Variants in NHLRC2 observed in about 807,000 individuals in gnomAD.
NHLRC2 encodes NHL repeat-containing protein 2.
In NHLRC2, 33 loss-of-function variants were observed where a neutral mutation model predicts 68.1. The ratio of observed to expected loss-of-function variants is 0.48; its 90% CI spans 0.37 to 0.65. The LOEUF is 0.65. Ranked by LOEUF, NHLRC2 falls within the 30% of genes least tolerant of loss-of-function variation. NHLRC2 has a pLI of 0.00. For synonymous variants in NHLRC2, 311 were observed against 309.6 expected, an observed-to-expected ratio of 1.00 and a Z score of -0.05; for missense variants, 761 against 853.8, an observed-to-expected ratio of 0.89 and a Z score of 1.35.
intron 2 of NHLRC2, among the ~76,000 whole-genome samples, chr10:113,869,941 A>C (rs914970364): frequency 6.6e-6 from 1 of 152,118 alleles, no homozygotes; most frequent in East Asian, 1.9e-4. Context: ...AAATACACCA[A>C]AATATTTCCA....
intron 2 of NHLRC2, among the ~76,000 whole-genome samples, chr10:113,863,201 A>G (rs1302647164): frequency 6.6e-6 from 1 of 152,222 alleles, no homozygotes; most frequent in Non-Finnish European, 1.5e-5. Context: ...GACATTTTCC[A>G]GGATAGACCA....
intron 4 of NHLRC2, among the ~76,000 whole-genome samples, chr10:113,883,236 A>G (rs1846051586): frequency 6.6e-6 from 1 of 151,880 alleles, no homozygotes; most frequent in South Asian, 2.1e-4. Flanking sequence ...ATTGTCTCCA[A>G]AAACAAATTC....
intron 5 of NHLRC2, among the ~76,000 whole-genome samples, chr10:113,894,626 A>T (rs1017936085): frequency 2.6e-5 from 4 of 152,078 alleles, no homozygotes; most frequent in Non-Finnish European, 5.9e-5. Context: ...AAGTGTTGAT[A>T]GTAGGTATCT....
chr10:113,876,789 CA>C lies in NHLRC2; in HGVS notation c.601del (p.Arg201GlyfsTer11), dbSNP rs1362888983. ...CAATTGCTTTAAAGTATTACAAAGA[CA>C]GGGGGCAGATCAGAGATAATAAAAT... ...TSIALKYYKDRGQIRDNKIGI... is the reference protein window; with the variant it reads ...TSIALKYYKDXGQIRDNKIGI... On this transcript the variant is annotated frameshift_variant, in exon 3 of 11. Transcript: ENST00000369301. LOFTEE classifies it high-confidence loss of function. 3.1e-6 allele frequency: 5 copies of C among 1,611,570 alleles called. No homozygotes were observed. The highest frequency in any genetic ancestry group is 1.3e-5 in the African/African-American group (1 of 74,812).
chr10:113,858,499 C>T, intron 1 of NHLRC2, 29 bp from the exon 2 acceptor site: 1 of 1,490,536 alleles, frequency 6.7e-7, no homozygotes, highest in Non-Finnish European at 9.2e-7. Flanking sequence ...TCTCTTTAAT[C>T]ATTGTAATTT....
chr10:113,871,878 T>C (rs1310102615), intron 2 of NHLRC2, among the ~76,000 whole-genome samples: 1 of 152,190 alleles, frequency 6.6e-6, no homozygotes, highest in Non-Finnish European at 1.5e-5. Context: ...TGACATTAGA[T>C]GGAAGTTCAG....
chr10:113,907,547 T>C (rs1433063278), intron 10 of NHLRC2, among the ~76,000 whole-genome samples: 1 of 152,206 alleles, frequency 6.6e-6, no homozygotes, highest in Admixed American at 6.5e-5. Context: ...TAAGAGAAAG[T>C]CGAGATGAAT....
At chr10:113,879,812 G>A in intron 4 of NHLRC2, 117 bp downstream of exon 4, 1 of 635,124 alleles carries the variant, frequency 1.6e-6, no homozygotes, top group Non-Finnish European at 2.5e-6. Context: ...TCCTTGTTCT[G>A]CTTTTCTTGA....
chr10:113,891,876 C>T (rs1015291479), intron 5 of NHLRC2, among the ~76,000 whole-genome samples: 1 of 152,216 alleles, frequency 6.6e-6, no homozygotes, highest in African/African-American at 2.4e-5. Context: ...TGCTGTTCCT[C>T]TCTCTGGCAG....
At chr10:113,896,229 C>T (rs373758195) in intron 5 of NHLRC2, among the ~76,000 whole-genome samples, 25 of 151,944 alleles carry the variant, frequency 1.6e-4, no homozygotes, top group African/African-American at 5.3e-4. Flanking sequence ...ATGTTTATTG[C>T]GGCATTATTC....
intron 4 of NHLRC2, among the ~76,000 whole-genome samples, chr10:113,881,906 A>G (rs1846038965): frequency 6.6e-6 from 1 of 151,748 alleles, no homozygotes; most frequent in Non-Finnish European, 1.5e-5. Context: ...TTCTGTCTCT[A>G]TAAATTTGCC....
In NHLRC2 at chr10:113,912,269, G is replaced by T. The variant is rs1437590944; in HGVS notation, c.*3733G>T. ...AATGAAACTGGTAATTATTAGCTTA[G>T]TTACTGTAATGATAATTTGGGACCA... On this transcript the variant is annotated 3_prime_UTR_variant, in exon 11 of 11. Transcript: ENST00000369301. The T allele has an allele frequency of 1.3e-5, 2 of 152,116 alleles. No homozygotes were observed. The highest frequency in any genetic ancestry group is 4.8e-5 in the African/African-American group (2 of 41,430). The allele number at this position is 152,116 out of a possible 1,614,324, so 9.4% of individuals were successfully genotyped here. A position where few individuals can be genotyped will look rare whatever the true frequency, so the allele number is the denominator to read the frequency against.
chr10:113,865,956 G>A lies in NHLRC2; in HGVS notation c.331+7276G>A, dbSNP rs546453252. Among the ~76,000 whole-genome samples the A allele has an allele frequency of 2.0e-5, 3 of 152,282 alleles. No individual in the cohort carries two copies. In the South Asian group the frequency reaches 6.2e-4, roughly 32 times the overall value. On this transcript the variant is annotated intron_variant, in intron 2 of 10. Transcript: ENST00000369301. ...TACTTCTGAATGTATCTGCAGCAGTGCTATTTATGTTCTCGAAGTGACATT... is the reference window on the plus strand; with the variant it reads ...TACTTCTGAATGTATCTGCAGCAGTACTATTTATGTTCTCGAAGTGACATT...
At chr10:113,892,098 T>C (rs1485629129) in intron 5 of NHLRC2, among the ~76,000 whole-genome samples, 1 of 152,212 alleles carries the variant, frequency 6.6e-6, no homozygotes, top group Non-Finnish European at 1.5e-5. Flanking sequence ...TTTAGAGACT[T>C]TGTAGAAACA....
chr10:113,916,814 T>C lies in NHLRC2; in HGVS notation c.*8278T>C, dbSNP rs1846390922. 1 of 152,208 alleles carries C rather than the reference T, an allele frequency of 6.6e-6. No homozygotes were observed. Among genetic ancestry groups the C allele is most frequent in the African/African-American group, 2.4e-5 (1 of 41,450 alleles). 9.4% of individuals were successfully genotyped at this position (152,208 alleles called of 1,614,324 possible). A position where few individuals can be genotyped will look rare whatever the true frequency, so the allele number is the denominator to read the frequency against. On this transcript the variant is annotated 3_prime_UTR_variant, in exon 11 of 11. Transcript: ENST00000369301. Reference sequence around the variant, plus strand: ...CCAAAGGCTTGATTATATTTTTTTCTCCAGTGATTAAAAATGCAGCGAAAA... The same window carrying C: ...CCAAAGGCTTGATTATATTTTTTTCCCCAGTGATTAAAAATGCAGCGAAAA...
Position 113,908,825 on chromosome 10 carries a change from GAGAATA to G in NHLRC2, c.*290_*295del. On this transcript the variant is annotated 3_prime_UTR_variant, in exon 11 of 11. Transcript: ENST00000369301. ...CAAGACTGAAGTTCACACTACAGTA[GAGAATA>G]CTATAAGATAATTTGCAATAAATAC... is the stretch of plus-strand genomic sequence containing the variant. 1 of 355,628 alleles carries G rather than the reference GAGAATA, an allele frequency of 2.8e-6. No individual in the cohort carries two copies. Among genetic ancestry groups the G allele is most frequent in the African/African-American group, 2.0e-5 (1 of 48,918 alleles). 22.0% of individuals were successfully genotyped at this position (355,628 alleles called of 1,614,324 possible).
intron 10 of NHLRC2, among the ~76,000 whole-genome samples, 197 bp downstream of exon 10, chr10:113,905,233 ACAGTG>A (rs760379693): frequency 7.9e-5 from 12 of 152,348 alleles, no homozygotes; most frequent in Admixed American, 1.3e-4. Context: ...TTATTAAAGA[ACAGTG>A]TAACTCACCA....
chr10:113,877,030 T>C, intron 3 of NHLRC2, 54 bp downstream of exon 3: 1 of 1,047,810 alleles, frequency 9.5e-7, no homozygotes, highest in Non-Finnish European at 1.4e-6. Context: ...AAAAAAATAG[T>C]TCAAGGTAAA....
Position 113,855,091 on chromosome 10 carries a change from TC to T in NHLRC2, c.178+45del, listed in dbSNP as rs753297239. ...CGGGGTGGGGGCCCCTCCCGGCACC[TC>T]CCCTTCCTCGGGGACGGCGCCCTCC... On this transcript the variant is annotated intron_variant, in intron 1 of 10. Coordinates refer to ENST00000369301, the MANE Select transcript of NHLRC2 (RefSeq NM_198514.4). 7.3e-6 allele frequency: 11 copies of T among 1,510,276 alleles called. No individual in the cohort carries two copies. The South Asian group carries it at 1.3e-4, about 18-fold the overall frequency. The allele number at this position is 1,510,276 out of a possible 1,614,324, so 93.6% of individuals were successfully genotyped here. A position where few individuals can be genotyped will look rare whatever the true frequency, so the allele number is the denominator to read the frequency against.
Sources: allele counts gnomAD v4.1 joint callset (sites outside exome capture counted in the v4.1 genomes callset), GRCh38; gene constraint gnomAD v4.1.1; transcripts MANE v1.5; gene names NCBI Gene and HGNC (gene_info 2026-07-23, HGNC 2026-07-21).